Variants in CCDC88C observed in about 807,000 individuals in gnomAD.
CCDC88C encodes protein Daple.
A neutral mutation model predicts 198.8 loss-of-function variants in CCDC88C; 131 were observed. That is an observed-to-expected ratio of 0.66 (90% CI 0.57 to 0.76). The LOEUF (loss-of-function observed/expected upper bound fraction) is 0.76. Among genes scored for constraint, CCDC88C ranks in the 30% least tolerant of loss-of-function variants. CCDC88C has a pLI of 0.00. For synonymous variants in CCDC88C, 1,166 were observed against 1,114.7 expected, an observed-to-expected ratio of 1.05 and a Z score of -0.92; for missense variants, 2,553 against 2,631.6, an observed-to-expected ratio of 0.97 and a Z score of 0.65.
At chr14:91,336,957 G>C (rs1368301625) in intron 10 of CCDC88C, among the ~76,000 whole-genome samples, 2 of 152,276 alleles carry the variant, frequency 1.3e-5, no homozygotes, top group Non-Finnish European at 1.5e-5. Flanking sequence ...CCTTCTGGCT[G>C]GTAGGAGAGA....
In CCDC88C at chr14:91,315,700, C is replaced by T. The variant is rs772192966; in HGVS notation, c.1615G>A (p.Glu539Lys). ...TLSEELIREKEQLQSDMETLK... is the reference protein window; with the variant it reads ...TLSEELIREKKQLQSDMETLK... ...GTCTCCATGTCACTCTGCAGCTGCT[C>T]CTTCTCTCTGATCAGCTCCTCACTG... Residue 539 changes from glutamate to lysine, a missense_variant, in exon 14 of 30, where the codon GAG becomes AAG. Glu to Lys is a moderately conservative substitution (Grantham distance 56). Coordinates refer to ENST00000389857, the MANE Select transcript of CCDC88C (RefSeq NM_001080414.4). 2 of 1,613,904 alleles carry T rather than the reference C, an allele frequency of 1.2e-6. No individual in the cohort carries two copies. Among genetic ancestry groups the T allele is most frequent in the Admixed American group, 3.3e-5 (2 of 60,018 alleles).
intron 21 of CCDC88C, among the ~76,000 whole-genome samples, chr14:91,299,556 A>G (rs1286970272): frequency 6.6e-6 from 1 of 152,176 alleles, no homozygotes; most frequent in African/African-American, 2.4e-5. Flanking sequence ...AACTTTAGCA[A>G]GTAGGTGGAT....
At chr14:91,276,396 A>G (rs1227915885) in intron 29 of CCDC88C, among the ~76,000 whole-genome samples, 1 of 152,250 alleles carries the variant, frequency 6.6e-6, no homozygotes, top group East Asian at 1.9e-4. Context: ...AGTGCTTGGG[A>G]AAGAGAAATG....
intron 3 of CCDC88C, among the ~76,000 whole-genome samples, chr14:91,389,370 G>A (rs1885344947): frequency 6.6e-6 from 1 of 152,204 alleles, no homozygotes; most frequent in Non-Finnish European, 1.5e-5. Flanking sequence ...TTGAAGATGT[G>A]ATTCCAAGTT....
chr14:91,336,072 G>C (rs763715645), intron 10 of CCDC88C, among the ~76,000 whole-genome samples: 3 of 152,178 alleles, frequency 2.0e-5, no homozygotes, highest in Non-Finnish European at 4.4e-5. Context: ...TTAATAAAGT[G>C]AATACGAAAT....
intron 20 of CCDC88C, 62 bp from the exon 21 acceptor site, chr14:91,300,132 A>C: frequency 3.2e-6 from 5 of 1,564,300 alleles, no homozygotes; most frequent in African/African-American, 1.4e-5. Flanking sequence ...CAGGTAACTC[A>C]CATCCCAGAG....
At chr14:91,337,147 G>A (rs1893084331) in intron 10 of CCDC88C, among the ~76,000 whole-genome samples, 3 of 152,204 alleles carry the variant, frequency 2.0e-5, no homozygotes, top group Non-Finnish European at 4.4e-5. Flanking sequence ...TTGTCAGGGT[G>A]AGTGGTCAAA....
rs61183857 is a variant in CCDC88C, at chr14:91,318,917, C to CAAAAAA, written c.1527+2197_1527+2202dup. ...CTGGACAACAGAGCGAGACTCCGTC[C>CAAAAAA]AAAAAAAAAAAAAAAAAAAAAGAAC... On this transcript the variant is annotated intron_variant, in intron 13 of 29. Coordinates refer to ENST00000389857, the MANE Select transcript of CCDC88C (RefSeq NM_001080414.4). 7.3e-4 allele frequency among the ~76,000 whole-genome samples: 77 copies of CAAAAAA among 105,250 alleles called. 3 individuals are homozygous for CAAAAAA. The highest frequency in any genetic ancestry group is 1.1e-3 in the Non-Finnish European group (58 of 53,380). 69.0% of individuals were successfully genotyped at this position (105,250 alleles called of 152,430 possible).
At position 91,321,225 on chromosome 14, in the gene CCDC88C, G is replaced by T. The variant is rs1343703114; in HGVS notation, c.1422C>A (p.Ser474Arg). Residue 474 changes from serine (S) to arginine (R), a missense_variant, in exon 13 of 30, where the codon AGC (serine) becomes AGA (arginine). By Grantham distance (110) the Ser-to-Arg change is moderately radical. This residue lies in a region of CCDC88C where 1,260 missense variants were observed against 1,412.0 expected (regional missense o/e 0.89). Coordinates refer to ENST00000389857, the MANE Select transcript of CCDC88C (RefSeq NM_001080414.4). ...RILKLEKENQ[S>R]LQSTIQGLRD... is the part of the protein sequence containing the mutation. Reference sequence around the variant, plus strand: ...GCAGCCCCTGGATGGTGCTCTGGAGGCTCTGATTCTCCTTCTCCAGCTTCA... The same window carrying T: ...GCAGCCCCTGGATGGTGCTCTGGAGTCTCTGATTCTCCTTCTCCAGCTTCA... 2 of 1,605,464 alleles carry T rather than the reference G, an allele frequency of 1.2e-6. No homozygotes were observed. The highest frequency in any genetic ancestry group is 2.2e-5 in the East Asian group (1 of 44,482).
chr14:91,392,960 A>G (rs1885606160), intron 3 of CCDC88C, among the ~76,000 whole-genome samples: 1 of 152,204 alleles, frequency 6.6e-6, no homozygotes, highest in South Asian at 2.1e-4. Flanking sequence ...TCAAGGCCTC[A>G]CATAGCGAAA....
Position 91,323,504 on chromosome 14 carries a change from C to T in CCDC88C, c.1342+1275G>A, listed in dbSNP as rs576204437. On this transcript the variant is annotated intron_variant, in intron 12 of 29. Transcript: ENST00000389857. ...CTTTATGCCAGGTCTTTCTGGCTCTCGAAGCCACTGCCCCATACACTCAGG... is the reference window on the plus strand; with the variant it reads ...CTTTATGCCAGGTCTTTCTGGCTCTTGAAGCCACTGCCCCATACACTCAGG... 5.9e-5 allele frequency among the ~76,000 whole-genome samples: 9 copies of T among 152,340 alleles called. No homozygotes were observed. The South Asian group carries it at 1.9e-3, about 32-fold the overall frequency.
At chr14:91,319,306 G>A (rs1463632757) in intron 13 of CCDC88C, among the ~76,000 whole-genome samples, 1 of 152,200 alleles carries the variant, frequency 6.6e-6, no homozygotes, top group African/African-American at 2.4e-5. Flanking sequence ...CCTCTTAACT[G>A]TAGAACAAGA....
intron 12 of CCDC88C, among the ~76,000 whole-genome samples, chr14:91,324,464 C>T (rs1892497201): frequency 6.6e-6 from 1 of 152,262 alleles, no homozygotes; most frequent in South Asian, 2.1e-4. Context: ...TTCAGCCATC[C>T]ACAGATGGCC....
intron 3 of CCDC88C, among the ~76,000 whole-genome samples, chr14:91,368,627 T>C (rs548292748): frequency 2.6e-5 from 4 of 152,324 alleles, no homozygotes; most frequent in African/African-American, 9.6e-5. Flanking sequence ...GTCGAAACCC[T>C]GCATCGATTT....
intron 3 of CCDC88C, among the ~76,000 whole-genome samples, chr14:91,363,877 C>T (rs1439965742): frequency 6.6e-6 from 1 of 152,244 alleles, no homozygotes; most frequent in Non-Finnish European, 1.5e-5. Context: ...GAGGAGGCTG[C>T]TGACGAGGGG....
chr14:91,412,935 C>T (rs937247748), intron 2 of CCDC88C, among the ~76,000 whole-genome samples: 2 of 152,210 alleles, frequency 1.3e-5, no homozygotes, highest in African/African-American at 4.8e-5. Flanking sequence ...AACTCTCCTT[C>T]AAGTGCACTG....
At chr14:91,384,518 C>T in intron 3 of CCDC88C, 1 of 516,244 alleles carries the variant, frequency 1.9e-6, no homozygotes, top group Admixed American at 2.0e-5. Flanking sequence ...TCATCTGCTT[C>T]TTCACCTTCT....
chr14:91,401,935 G>C (rs1886227570), intron 3 of CCDC88C, among the ~76,000 whole-genome samples: 1 of 152,150 alleles, frequency 6.6e-6, no homozygotes, highest in South Asian at 2.1e-4. Flanking sequence ...AGTTTAACGT[G>C]TTCTTTCCAC....
At chr14:91,358,077 A>G (rs1320396077) in intron 4 of CCDC88C, among the ~76,000 whole-genome samples, 2 of 152,306 alleles carry the variant, frequency 1.3e-5, no homozygotes, top group African/African-American at 4.8e-5. Flanking sequence ...GCAAAGGCGG[A>G]CACCTCAGCC....
Sources: allele counts gnomAD v4.1 joint callset (sites outside exome capture counted in the v4.1 genomes callset), GRCh38; gene constraint gnomAD v4.1.1; regional missense constraint gnomAD v4.1.1; transcripts MANE v1.5; gene names NCBI Gene and HGNC (gene_info 2026-07-23, HGNC 2026-07-21).